The following IL6ST variants were observed in gnomAD, a reference collection of about 807,000 sequenced individuals.
IL6ST encodes interleukin 6 cytokine family signal transducer.
In IL6ST, 24 loss-of-function variants were observed where a neutral mutation model predicts 91.3. The ratio of observed to expected loss-of-function variants is 0.26; its 90% confidence interval spans 0.19 to 0.37. IL6ST has a LOEUF of 0.37. IL6ST is among the 10% of genes least tolerant of loss of function. IL6ST has a pLI of 1.00. For synonymous variants in IL6ST, 351 were observed against 373.6 expected, an observed-to-expected ratio of 0.94 and a Z score of 0.70; for missense variants, 914 against 1,078.5, an observed-to-expected ratio of 0.85 and a Z score of 2.14.
intron 1 of IL6ST, among the ~76,000 whole-genome samples, chr5:55,986,291 T>A (rs1416608428): frequency 6.6e-6 from 1 of 152,228 alleles, no homozygotes; most frequent in African/African-American, 2.4e-5. Flanking sequence ...TGTTATTTGG[T>A]AGATCCTTTT....
rs1751344715 is a variant in IL6ST at position 55,947,551 on chromosome 5, A to G, written c.1879T>C (p.Leu627=). Residue 627 remains leucine (L), a synonymous_variant, in exon 15 of 17, where the codon TTA becomes CTA. Transcript: ENST00000381298. ...EIEAIVVPVC[L]AFLLTTLLGV... ...AGAAGAGTTGTCAATAGGAATGCTA[A>G]GCAAACAGGCACGACTATGGCTTCA... The G allele has an allele frequency of 2.2e-5, 35 of 1,589,674 alleles. No homozygotes were observed. The highest frequency in any genetic ancestry group is 3.0e-5 in the Non-Finnish European group (35 of 1,166,430).
intron 14 of IL6ST, among the ~76,000 whole-genome samples, chr5:55,950,788 G>A (rs1453341978): frequency 1.3e-5 from 2 of 151,280 alleles, no homozygotes; most frequent in African/African-American, 2.4e-5. Context: ...TTTGAGACCA[G>A]CCATCTCTAT....
At chr5:55,952,779 C>T (rs928704727) in intron 11 of IL6ST, among the ~76,000 whole-genome samples, 5 of 152,050 alleles carry the variant, frequency 3.3e-5, no homozygotes, top group Admixed American at 3.3e-4. Context: ...AAAATTTCCT[C>T]GGCCAGGCGC....
chr5:55,967,738 G>A (rs1752720064), intron 5 of IL6ST, among the ~76,000 whole-genome samples: 1 of 152,114 alleles, frequency 6.6e-6, no homozygotes, highest in Non-Finnish European at 1.5e-5. Flanking sequence ...GCTGACCAGT[G>A]TTGAAGCTGA....
chr5:55,968,826 A>G (rs576434097), intron 4 of IL6ST, among the ~76,000 whole-genome samples: 2 of 152,248 alleles, frequency 1.3e-5, no homozygotes, highest in African/African-American at 4.8e-5. Context: ...AGCAAATGCC[A>G]AAACAGTAAA....
intron 14 of IL6ST, 86 bp from the exon 15 acceptor site, chr5:55,947,675 C>T: frequency 1.4e-6 from 1 of 732,044 alleles, no homozygotes; most frequent in Non-Finnish European, 2.3e-6. Context: ...TACAACTTCC[C>T]AACCAGACTT....
intron 1 of IL6ST, among the ~76,000 whole-genome samples, chr5:55,987,757 C>T (rs766700522): frequency 6.6e-6 from 1 of 152,138 alleles, no homozygotes; most frequent in East Asian, 1.9e-4. Context: ...AATCATTTGG[C>T]TCATTGTAAC....
chr5:55,951,434 G>GAA, intron 14 of IL6ST, 30 bp downstream of exon 14: 6 of 1,572,892 alleles, frequency 3.8e-6, no homozygotes, highest in Non-Finnish European at 5.2e-6. Context: ...GTTTGAGAAA[G>GAA]AAAAAAAACC....
At chr5:55,951,326 C>A in intron 14 of IL6ST, 138 bp downstream of exon 14, 3 of 672,518 alleles carry the variant, frequency 4.5e-6, no homozygotes, top group East Asian at 2.8e-5. Flanking sequence ...ATAAAGAAAC[C>A]ACCAACCAAA....
At position 55,976,225 on chromosome 5, in the gene IL6ST, AGTG is replaced by A; in HGVS notation, c.51_53del (p.Thr18del). Reference sequence around the variant, plus strand: ...TTTCATGAACCTTACCTGTAGATTCAGTGGTGAGGAAAATAAACAAGGCTTGCA... The same window carrying A: ...TTTCATGAACCTTACCTGTAGATTCAGTGAGGAAAATAAACAAGGCTTGCA... On this transcript the variant is annotated inframe_deletion, in exon 3 of 17. Coordinates refer to ENST00000381298, the MANE Select transcript of IL6ST (RefSeq NM_002184.4). 1 of 1,575,848 alleles carries A rather than the reference AGTG, an allele frequency of 6.3e-7. No individual in the cohort carries two copies.
chr5:55,947,617 A>G (rs2111641443), intron 14 of IL6ST, 28 bp from the exon 15 acceptor site: 2 of 1,141,492 alleles, frequency 1.8e-6, no homozygotes, highest in Non-Finnish European at 2.5e-6. Flanking sequence ...AAAAAAAAAA[A>G]GAGGTGTGAT....
In IL6ST at chr5:55,935,720, T is replaced by C. The variant is rs961870160; in HGVS notation, c.*5362A>G. On this transcript the variant is annotated 3_prime_UTR_variant, in exon 17 of 17. Transcript: ENST00000381298. ...GAAGAGCCTATACGCAGTTGTAATA[T>C]ATTTCGTATTTTGAAAGTGTAGAAG... 6.0e-5 allele frequency: 13 copies of C among 217,280 alleles called. No homozygotes were observed. Among genetic ancestry groups the C allele is most frequent in the African/African-American group, 2.5e-4 (11 of 44,066 alleles). The allele number at this position is 217,280 out of a possible 1,614,324, so 13.5% of individuals were successfully genotyped here.
At chr5:55,960,333 A>G (rs2111744253) in intron 8 of IL6ST, 69 bp downstream of exon 8, 1 of 1,258,402 alleles carries the variant, frequency 7.9e-7, no homozygotes, top group Non-Finnish European at 1.1e-6. Flanking sequence ...AGGCTATATT[A>G]TTAAAACCAG....
chr5:55,985,520 C>CG (rs200928210), intron 1 of IL6ST, among the ~76,000 whole-genome samples: 1 of 131,264 alleles, frequency 7.6e-6, no homozygotes, highest in Non-Finnish European at 1.6e-5. Context: ...GACTCCTTCT[C>CG]AAAAAAAAAA....
chr5:55,947,559 G>A lies in IL6ST; in HGVS notation c.1871C>T (p.Pro624Leu), dbSNP rs2111639338. The A allele has an allele frequency of 7.1e-7, 1 of 1,414,044 alleles. No homozygotes were observed. Among genetic ancestry groups the A allele is most frequent in the Non-Finnish European group, 9.6e-7 (1 of 1,036,846 alleles). 87.6% of individuals were successfully genotyped at this position (1,414,044 alleles called of 1,614,324 possible). A position where few individuals can be genotyped will look rare whatever the true frequency, so the allele number is the denominator to read the frequency against. The change falls in exon 15 of 17, where the codon CCT becomes CTT. Residue 624 changes from proline to leucine, a missense_variant. Transcript: ENST00000381298. The stretch of plus-strand genomic sequence containing the variant: ...TGTCAATAGGAATGCTAAGCAAACA[G>A]GCACGACTATGGCTTCAATTTCTCC... ...AQGEIEAIVV[P>L]VCLAFLLTTL...
At position 55,951,614 on chromosome 5, in the gene IL6ST, A is replaced by G. The variant is rs1751640651; in HGVS notation, c.1700-10T>C. Reference sequence around the variant, plus strand: ...GAATCCACATTCACAGCTGGAAGAAATAAGAACTGTGCTTCATTCAACTAT... The same window carrying G: ...GAATCCACATTCACAGCTGGAAGAAGTAAGAACTGTGCTTCATTCAACTAT... On this transcript the variant is annotated splice_polypyrimidine_tract_variant and intron_variant, in intron 13 of 16. Transcript: ENST00000381298. 6.2e-7 allele frequency: 1 copy of G among 1,607,822 alleles called. No homozygotes were observed. The highest frequency in any genetic ancestry group is 8.5e-7 in the Non-Finnish European group (1 of 1,178,110).
At position 55,957,297 on chromosome 5, in the gene IL6ST, GAAAA is replaced by G; in HGVS notation, c.974-10_974-7del. ...ACTTGGTGCTTTAGATGGTCCTAAAGAAAAGACATAAACTCCTTAAAATAAAAAG... is the reference window on the plus strand; with the variant it reads ...ACTTGGTGCTTTAGATGGTCCTAAAGGACATAAACTCCTTAAAATAAAAAG... On this transcript the variant is annotated splice_region_variant and splice_polypyrimidine_tract_variant and intron_variant, in intron 8 of 16. Transcript: ENST00000381298. 7.1e-7 allele frequency: 1 copy of G among 1,407,412 alleles called. No homozygotes were observed. The allele number at this position is 1,407,412 out of a possible 1,614,324, so 87.2% of individuals were successfully genotyped here.
At chr5:55,979,082 T>C (rs948424725) in intron 2 of IL6ST, among the ~76,000 whole-genome samples, 1 of 152,010 alleles carries the variant, frequency 6.6e-6, no homozygotes, top group Admixed American at 6.6e-5. Flanking sequence ...GAATCTCATA[T>C]ATAATACAGA....
At chr5:55,988,043 A>C (rs768395571) in intron 1 of IL6ST, among the ~76,000 whole-genome samples, 1 of 151,360 alleles carries the variant, frequency 6.6e-6, no homozygotes. Context: ...AGGCAGAAGA[A>C]TTGCTCGAAC....
Sources: gnomAD v4.1 joint callset for allele counts (sites outside exome capture counted in the v4.1 genomes callset) on GRCh38, gnomAD v4.1.1 for gene constraint, MANE v1.5 for transcripts, NCBI Gene and HGNC (gene_info 2026-07-23, HGNC 2026-07-21) for gene names.